ARHGAP21: variants seen among roughly 807,000 people sequenced by gnomAD.
ARHGAP21 encodes rho GTPase-activating protein 21.
Under a neutral mutation model 164.6 loss-of-function variants are expected in ARHGAP21, and 38 were observed. The ratio of observed to expected loss-of-function variants is 0.23; its 90% CI spans 0.18 to 0.30. The LOEUF is 0.30. Ranked by LOEUF, ARHGAP21 falls within the 10% of genes least tolerant of loss-of-function variation. ARHGAP21 has a pLI of 1.00. For missense variants in ARHGAP21, 1,822 were observed against 2,370.7 expected, an observed-to-expected ratio of 0.77 and a Z score of 4.81; for synonymous variants, 766 against 857.9, an observed-to-expected ratio of 0.89 and a Z score of 1.87.
chr10:24,639,071 T>C (rs1836700153), intron 4 of ARHGAP21, among the ~76,000 whole-genome samples: 1 of 152,178 alleles, frequency 6.6e-6, no homozygotes, highest in South Asian at 2.1e-4. Context: ...AATGTTCAGG[T>C]GGATGTGATT....
intron 2 of ARHGAP21, among the ~76,000 whole-genome samples, chr10:24,705,391 CAG>C (rs1290296675): frequency 1.3e-5 from 2 of 152,190 alleles, no homozygotes; most frequent in Non-Finnish European, 2.9e-5. Context: ...GTGAAACAAA[CAG>C]AGACTAAATG....
intron 2 of ARHGAP21, chr10:24,706,612 G>A (rs1844249437): frequency 6.6e-6 from 1 of 152,628 alleles, no homozygotes; most frequent in Non-Finnish European, 1.5e-5. Flanking sequence ...CTATAGCACA[G>A]TCTGCATCTC....
chr10:24,672,535 C>T (rs1030077257), intron 2 of ARHGAP21, among the ~76,000 whole-genome samples: 1 of 152,168 alleles, frequency 6.6e-6, no homozygotes, highest in African/African-American at 2.4e-5. Context: ...GTATTTCTAA[C>T]CCAAGCCTCT....
At chr10:24,601,736 C>A (rs750034134) in intron 13 of ARHGAP21, among the ~76,000 whole-genome samples, 16 of 151,926 alleles carry the variant, frequency 1.1e-4, no homozygotes, top group Non-Finnish European at 2.2e-4. Flanking sequence ...TTTTACATTG[C>A]CAAAACGTAA....
chr10:24,585,498 A>T lies in ARHGAP21; in HGVS notation c.4791T>A (p.Thr1597=). Residue 1597 remains threonine (T), a synonymous_variant, in exon 26 of 26, where the codon ACT becomes ACA. Coordinates refer to ENST00000396432, the MANE Select transcript of ARHGAP21 (RefSeq NM_020824.4). ...GGCTCAGTCGACTGGAGTCCAGGCT[A>T]GTCAAGTATGTAGCAGACGATGTGG... ...YSTTSSATYL[T]SLDSSRLSPE... The T allele has an allele frequency of 6.2e-7, 1 of 1,614,152 alleles. No homozygotes were observed. The highest frequency in any genetic ancestry group is 8.5e-7 in the Non-Finnish European group (1 of 1,180,046).
At chr10:24,694,908 G>T (rs1156429563) in intron 2 of ARHGAP21, among the ~76,000 whole-genome samples, 1 of 151,818 alleles carries the variant, frequency 6.6e-6, no homozygotes, top group African/African-American at 2.4e-5. Context: ...AAAATTAGCT[G>T]GGCATGCTGG....
At position 24,597,484 on chromosome 10, in the gene ARHGAP21, A is replaced by C. The variant is rs763116326; in HGVS notation, c.3297T>G (p.Ser1099=). 3.7e-6 allele frequency: 6 copies of C among 1,614,052 alleles called. No homozygotes were observed. The South Asian group carries it at 6.6e-5, about 18-fold the overall frequency. The stretch of plus-strand genomic sequence containing the variant: ...GTTTCCTTTCCGACTCTTCCTTCGG[A>C]GAGTGTGGGCTTTGAGTCTTTGGCT... ...KSEPKTQSPH[S]PKEESERKLL... The change falls in exon 16 of 26, where the codon TCT becomes TCG. Residue 1099 remains serine (S), a synonymous_variant. Coordinates refer to ENST00000396432, the MANE Select transcript of ARHGAP21 (RefSeq NM_020824.4).
intron 2 of ARHGAP21, among the ~76,000 whole-genome samples, chr10:24,678,202 T>G (rs1168629140): frequency 6.6e-6 from 1 of 152,204 alleles, no homozygotes; most frequent in African/African-American, 2.4e-5. Context: ...AAAACTATAG[T>G]ACAACATCAC....
chr10:24,627,461 A>C (rs1835252953), intron 7 of ARHGAP21, among the ~76,000 whole-genome samples: 2 of 69,484 alleles, frequency 2.9e-5, no homozygotes, highest in Non-Finnish European at 7.3e-5. Flanking sequence ...TCAAATGTGA[A>C]TTAAGGTTAA....
rs564720167 is a variant in ARHGAP21 at position 24,705,955 on chromosome 10, A to G, written c.63+15882T>C. Among the ~76,000 whole-genome samples the G allele has an allele frequency of 3.9e-5, 6 of 152,350 alleles. No homozygotes were observed. The South Asian group carries it at 1.2e-3, about 32-fold the overall frequency. Reference sequence around the variant, plus strand: ...TAAGAGCTTTTGCTTCTTAGGGAAGAACACTCAAAAGCAGACAATAGCTAA... The same window carrying G: ...TAAGAGCTTTTGCTTCTTAGGGAAGGACACTCAAAAGCAGACAATAGCTAA... On this transcript the variant is annotated intron_variant, in intron 2 of 25. Coordinates refer to ENST00000396432, the MANE Select transcript of ARHGAP21 (RefSeq NM_020824.4).
In ARHGAP21 at chr10:24,614,201, C is replaced by T. The variant is rs181672842; in HGVS notation, c.2422+5272G>A. On this transcript the variant is annotated intron_variant, in intron 9 of 25. Coordinates refer to ENST00000396432, the MANE Select transcript of ARHGAP21 (RefSeq NM_020824.4). ...GGGAGGTCAAGAGACCTGGTGTGTT[C>T]GATTTTGCAAAAGCCACTTAACTTT... 3.2e-4 allele frequency among the ~76,000 whole-genome samples: 48 copies of T among 152,112 alleles called. No homozygotes were observed. In the East Asian group the frequency reaches 7.2e-3, roughly 23 times the overall value.
chr10:24,686,484 G>T (rs1490416177), intron 2 of ARHGAP21, among the ~76,000 whole-genome samples: 1 of 151,988 alleles, frequency 6.6e-6, no homozygotes, highest in Non-Finnish European at 1.5e-5. Flanking sequence ...TGGAAACTAT[G>T]TTGTCTAACA....
intron 3 of ARHGAP21, among the ~76,000 whole-genome samples, chr10:24,668,390 C>T (rs1840392288): frequency 6.6e-6 from 1 of 152,180 alleles, no homozygotes; most frequent in African/African-American, 2.4e-5. Flanking sequence ...AAAACTGTGC[C>T]TGTTCGATTC....
intron 9 of ARHGAP21, among the ~76,000 whole-genome samples, chr10:24,612,430 T>C (rs1397400812): frequency 2.0e-5 from 3 of 152,162 alleles, no homozygotes; most frequent in Non-Finnish European, 2.9e-5. Flanking sequence ...AATATGGAAA[T>C]TGAATAAGCT....
intron 2 of ARHGAP21, among the ~76,000 whole-genome samples, chr10:24,719,512 C>A (rs1349029737): frequency 6.6e-6 from 1 of 152,174 alleles, no homozygotes; most frequent in African/African-American, 2.4e-5. Context: ...ACATTGATTT[C>A]TTCTGTCCTA....
intron 2 of ARHGAP21, among the ~76,000 whole-genome samples, chr10:24,703,926 G>A (rs572486851): frequency 6.6e-6 from 1 of 152,334 alleles, no homozygotes; most frequent in East Asian, 1.9e-4. Flanking sequence ...GTCAGCAGAT[G>A]TATTTTGCTT....
chr10:24,619,578 G>T lies in ARHGAP21; in HGVS notation c.2317C>A (p.Leu773Met). Residue 773 changes from leucine to methionine, a missense_variant, in exon 9 of 26, where the codon CTG becomes ATG. This residue lies in a region of ARHGAP21 where 1,090 missense variants were observed against 1,378.9 expected (regional missense o/e 0.79). Coordinates refer to ENST00000396432, the MANE Select transcript of ARHGAP21 (RefSeq NM_020824.4). ...ACCTCTCGACGTGCATCATTGGGCA[G>T]CCAGCAGGTAGTGTCTGACCCGGTC... is the stretch of plus-strand genomic sequence containing the variant. ...QETGSDTTCW[L>M]PNDARREVHI... 6.2e-7 allele frequency: 1 copy of T among 1,614,166 alleles called. No individual in the cohort carries two copies.
intron 7 of ARHGAP21, among the ~76,000 whole-genome samples, chr10:24,628,203 T>C (rs1455855573): frequency 6.6e-6 from 1 of 152,218 alleles, no homozygotes; most frequent in Non-Finnish European, 1.5e-5. Context: ...CTACAACCAC[T>C]TTTGCATGTC....
chr10:24,608,834 A>G (rs1217005832), intron 9 of ARHGAP21, among the ~76,000 whole-genome samples: 1 of 151,948 alleles, frequency 6.6e-6, no homozygotes, highest in African/African-American at 2.4e-5. Context: ...TTCTCTATGC[A>G]CCACTTTTTA....
Sources: gnomAD v4.1 joint callset for allele counts (sites outside exome capture counted in the v4.1 genomes callset) on GRCh38, gnomAD v4.1.1 for gene constraint, gnomAD v4.1.1 regional missense constraint, MANE v1.5 for transcripts, NCBI Gene and HGNC (gene_info 2026-07-23, HGNC 2026-07-21) for gene names.